Variants in AFG2A observed in about 807,000 individuals in gnomAD.
AFG2A encodes the protein ATPase family gene 2 protein homolog A.
chr4:122,977,523 G>GC, the AFG2A span, among the ~76,000 whole-genome samples: 1 of 152,224 alleles, frequency 6.6e-6, no homozygotes, highest in African/African-American at 2.4e-5. Flanking sequence ...AAACAGCAGA[G>GC]CCCCAAAGAG....
At chr4:123,274,098 T>C in the AFG2A span, among the ~76,000 whole-genome samples, 5 of 152,140 alleles carry the variant, frequency 3.3e-5, no homozygotes, top group African/African-American at 1.2e-4. Flanking sequence ...AATTAGTCTA[T>C]ATAGTGTATT....
At chr4:123,128,161 C>T in the AFG2A span, among the ~76,000 whole-genome samples, 3 of 152,140 alleles carry the variant, frequency 2.0e-5, no homozygotes, top group Non-Finnish European at 2.9e-5. Flanking sequence ...TTGTGTTCCA[C>T]AAATGATACC....
chr4:123,028,386 A>G, the AFG2A span: 9 of 1,614,096 alleles, frequency 5.6e-6, no homozygotes, highest in Non-Finnish European at 7.6e-6. Flanking sequence ...TGAATTTTCT[A>G]GCTATAAAGG....
chr4:122,939,780 C>T, the AFG2A span, among the ~76,000 whole-genome samples: 2 of 152,120 alleles, frequency 1.3e-5, no homozygotes. Context: ...ATCCCTCGCC[C>T]CTCCCCCAAC....
chr4:123,177,491 G>C, the AFG2A span, among the ~76,000 whole-genome samples: 1 of 152,098 alleles, frequency 6.6e-6, no homozygotes, highest in African/African-American at 2.4e-5. Flanking sequence ...GATTACAGGC[G>C]TGAGCCACCG....
the AFG2A span, among the ~76,000 whole-genome samples, chr4:122,998,259 T>A: frequency 1.3e-5 from 2 of 152,214 alleles, no homozygotes; most frequent in South Asian, 2.1e-4. Flanking sequence ...TTTTTTCTTC[T>A]AAGAGTTTTA....
chr4:123,253,504 G>A, the AFG2A span, among the ~76,000 whole-genome samples: 1 of 147,516 alleles, frequency 6.8e-6, no homozygotes, highest in East Asian at 2.0e-4. Context: ...AAAAAAAATA[G>A]CTGGGCATGG....
chr4:122,982,320 C>A, the AFG2A span, among the ~76,000 whole-genome samples: 1 of 152,078 alleles, frequency 6.6e-6, no homozygotes, highest in Non-Finnish European at 1.5e-5. Context: ...ATATGTTGAA[C>A]CAGCAGCCTT....
the AFG2A span, among the ~76,000 whole-genome samples, chr4:123,169,197 T>G: frequency 6.6e-6 from 1 of 152,190 alleles, no homozygotes; most frequent in African/African-American, 2.4e-5. Flanking sequence ...AAGGTAATAG[T>G]TTTCCATTTT....
chr4:123,255,824 A>G, the AFG2A span, among the ~76,000 whole-genome samples: 4 of 142,198 alleles, frequency 2.8e-5, no homozygotes, highest in East Asian at 2.1e-4. Context: ...CCAGCCTTCT[A>G]TTTTCAAAAG....
At chr4:123,011,559 G>A in the AFG2A span, among the ~76,000 whole-genome samples, 25 of 152,284 alleles carry the variant, frequency 1.6e-4, no homozygotes, top group Middle Eastern at 6.8e-3. Flanking sequence ...ACCTCAGACC[G>A]TTTGCCCATT....
At chr4:123,080,167 G>T in the AFG2A span, among the ~76,000 whole-genome samples, 1 of 152,204 alleles carries the variant, frequency 6.6e-6, no homozygotes, top group South Asian at 2.1e-4. Flanking sequence ...ATTTAGCGAT[G>T]AAGCCTTTGG....
the AFG2A span, among the ~76,000 whole-genome samples, chr4:123,054,416 C>A: frequency 6.7e-5 from 3 of 44,496 alleles, no homozygotes; most frequent in Non-Finnish European, 2.5e-4. Context: ...TATTGAGCAT[C>A]CTTTTTTTTT....
At chr4:123,074,903 T>C in the AFG2A span, among the ~76,000 whole-genome samples, 2 of 152,204 alleles carry the variant, frequency 1.3e-5, no homozygotes, top group Admixed American at 1.3e-4. Flanking sequence ...TATGCTTTTG[T>C]TGATAACATG....
At chr4:122,959,723 G>A in the AFG2A span, among the ~76,000 whole-genome samples, 1 of 152,198 alleles carries the variant, frequency 6.6e-6, no homozygotes, top group African/African-American at 2.4e-5. Flanking sequence ...TAGTGTTTGT[G>A]TAGATTGTAC....
chr4:123,253,394 G>C, the AFG2A span, among the ~76,000 whole-genome samples: 3 of 151,816 alleles, frequency 2.0e-5, no homozygotes, highest in African/African-American at 7.3e-5. Context: ...TGAGGCAGGA[G>C]AATTGCTCGA....
chr4:123,008,581 C>T, the AFG2A span, among the ~76,000 whole-genome samples: 2 of 152,134 alleles, frequency 1.3e-5, no homozygotes, highest in South Asian at 2.1e-4. Context: ...ATTCACATGT[C>T]CCGTGTTAAA....
the AFG2A span, among the ~76,000 whole-genome samples, chr4:122,967,497 T>C: frequency 6.6e-6 from 1 of 152,300 alleles, no homozygotes; most frequent in East Asian, 1.9e-4. Flanking sequence ...ATACCAACCA[T>C]ATTCGTTTGT....
chr4:122,991,719 T>C, the AFG2A span, among the ~76,000 whole-genome samples: 1 of 152,234 alleles, frequency 6.6e-6, no homozygotes, highest in Non-Finnish European at 1.5e-5. Flanking sequence ...AGTGTGGTTT[T>C]GAATTCTTTT....
Sources: allele counts gnomAD v4.1 joint callset (sites outside exome capture counted in the v4.1 genomes callset), GRCh38; gene constraint gnomAD v4.1.1; transcripts MANE v1.5; gene names NCBI Gene and HGNC (gene_info 2026-07-23, HGNC 2026-07-21).